WAC: variants seen among roughly 807,000 people sequenced by gnomAD.
WAC encodes the protein WW domain-containing adapter protein with coiled-coil.
In WAC, 11 loss-of-function variants were observed where a neutral mutation model predicts 79.6. The ratio of observed to expected loss-of-function variants is 0.14; its 90% CI spans 0.09 to 0.23. The LOEUF is 0.23. WAC is among the 10% of genes least tolerant of loss of function. The pLI, the probability that WAC is intolerant of heterozygous loss-of-function variation, is 1.00. For missense variants in WAC, 728 were observed against 773.5 expected (o/e 0.94, Z 0.70); for synonymous variants, 304 against 276.9 (o/e 1.10, Z -0.97).
intron 3 of WAC, among the ~76,000 whole-genome samples, chr10:28,565,725 C>G (rs892805152): frequency 2.6e-5 from 4 of 152,112 alleles, no homozygotes; most frequent in African/African-American, 9.7e-5. Context: ...TTTAAATGTA[C>G]CAAATTAGCT....
intron 3 of WAC, among the ~76,000 whole-genome samples, chr10:28,572,548 A>T (rs12247135): frequency 0.023 from 3,458 of 152,196 alleles, 143 homozygotes; most frequent in African/African-American, 0.078. Context: ...GTGGTGGCTC[A>T]CACCTGTAAT....
intron 7 of WAC, 101 bp downstream of exon 7, chr10:28,596,142 A>C: frequency 7.8e-7 from 1 of 1,283,546 alleles, no homozygotes; most frequent in South Asian, 1.6e-5. Context: ...TGAATTATAA[A>C]TTTTTAAAAA....
intron 3 of WAC, among the ~76,000 whole-genome samples, chr10:28,568,617 G>A (rs908503935): frequency 6.6e-6 from 1 of 152,004 alleles, no homozygotes; most frequent in South Asian, 2.1e-4. Context: ...ATATGTATAC[G>A]TGTTCCATCA....
At chr10:28,563,744 CTTTT>C (rs71281550) in intron 3 of WAC, among the ~76,000 whole-genome samples, 7 of 67,936 alleles carry the variant, frequency 1.0e-4, no homozygotes, top group East Asian at 9.6e-4. Flanking sequence ...CTACACCCAG[CTTTT>C]TTTTTTTTTT....
In WAC at chr10:28,562,345, C is replaced by T. The variant is rs559285636; in HGVS notation, c.275-21054C>T. On this transcript the variant is annotated intron_variant, in intron 3 of 13. Coordinates refer to ENST00000354911, the MANE Select transcript of WAC (RefSeq NM_016628.5). ...TGTTGGGATTACAGGCATCAGCCAC[C>T]AGGCCCAGCCAATTTTCTAGTAGAT... Among the ~76,000 whole-genome samples, 6 of 152,308 alleles carry T rather than the reference C, an allele frequency of 3.9e-5. No individual in the cohort carries two copies. The East Asian group carries it at 5.8e-4, about 15-fold the overall frequency.
At chr10:28,566,104 A>C (rs938605902) in intron 3 of WAC, among the ~76,000 whole-genome samples, 1 of 152,180 alleles carries the variant, frequency 6.6e-6, no homozygotes, top group Non-Finnish European at 1.5e-5. Context: ...CTTAAAAAGC[A>C]CTTCAGTTTT....
chr10:28,573,368 A>G (rs1343413833), intron 3 of WAC, among the ~76,000 whole-genome samples: 3 of 152,122 alleles, frequency 2.0e-5, no homozygotes, highest in African/African-American at 2.4e-5. Flanking sequence ...TTTTCTGGAT[A>G]TGTCATATAA....
At chr10:28,615,040 T>C (rs908184348) in intron 11 of WAC, 3 of 176,444 alleles carry the variant, frequency 1.7e-5, no homozygotes, top group African/African-American at 7.2e-5. Flanking sequence ...GGTTTGAGTA[T>C]ATTGATGAAA....
At chr10:28,589,634 T>C in intron 4 of WAC, 102 bp from the exon 5 acceptor site, 1 of 680,020 alleles carries the variant, frequency 1.5e-6, no homozygotes, top group Non-Finnish European at 2.5e-6. Context: ...AGAGTACCTT[T>C]ATCTCATAAG....
intron 6 of WAC, among the ~76,000 whole-genome samples, chr10:28,595,093 C>A (rs949111954): frequency 6.6e-6 from 1 of 152,188 alleles, no homozygotes; most frequent in African/African-American, 2.4e-5. Flanking sequence ...CATTATGCAT[C>A]ATGATTTTAT....
intron 3 of WAC, among the ~76,000 whole-genome samples, chr10:28,536,376 T>TAATA (rs778345839): frequency 2.0e-5 from 3 of 152,220 alleles, no homozygotes; most frequent in Non-Finnish European, 4.4e-5. Context: ...TTTGACCTTT[T>TAATA]AAAGATTTCA....
Position 28,615,368 on chromosome 10 carries a change from C to T in WAC, c.1556+683C>T, listed in dbSNP as rs1349899195. The T allele has an allele frequency of 6.6e-5, 10 of 152,188 alleles. No individual in the cohort carries two copies. The East Asian group carries it at 1.7e-3, about 26-fold the overall frequency. 9.4% of individuals were successfully genotyped at this position (152,188 alleles called of 1,614,324 possible). A position where few individuals can be genotyped will look rare whatever the true frequency, so the allele number is the denominator to read the frequency against. ...ACCTCCAAATGAGAGTTGTTCCCTTCAAAATAATGACCTTGGGAAGCTGTC... is the reference window on the plus strand; with the variant it reads ...ACCTCCAAATGAGAGTTGTTCCCTTTAAAATAATGACCTTGGGAAGCTGTC... On this transcript the variant is annotated intron_variant, in intron 11 of 13. Transcript: ENST00000354911.
intron 7 of WAC, among the ~76,000 whole-genome samples, chr10:28,598,653 C>T (rs899046326): frequency 2.0e-5 from 3 of 152,170 alleles, no homozygotes; most frequent in African/African-American, 7.2e-5. Context: ...AAACATTACC[C>T]CAATTCAAAC....
chr10:28,597,303 AAT>A (rs1288765692), intron 7 of WAC, among the ~76,000 whole-genome samples: 1 of 152,216 alleles, frequency 6.6e-6, no homozygotes, highest in Non-Finnish European at 1.5e-5. Flanking sequence ...TGCTATAGTT[AAT>A]ATATTTTCCA....
chr10:28,566,272 T>C (rs1397364043), intron 3 of WAC, among the ~76,000 whole-genome samples: 2 of 152,188 alleles, frequency 1.3e-5, no homozygotes, highest in African/African-American at 4.8e-5. Context: ...CGTGTGTGTG[T>C]GCATATGCTG....
chr10:28,614,579 G>A lies in WAC; in HGVS notation c.1450G>A (p.Val484Ile). 1 of 1,614,064 alleles carries A rather than the reference G, an allele frequency of 6.2e-7. No homozygotes were observed. ...TTTGACATTTCAGGTTAGTACTCCA[G>A]TAGTTAAGCAAGGACCAGTGTCACA... ...VSSQPKVSTP[V>I]VKQGPVSQSA... The change falls in exon 11 of 14, where the codon GTA becomes ATA. Residue 484 changes from valine (V) to isoleucine (I), a missense_variant. Physicochemically the swap from Val to Ile is conservative, Grantham distance 29. This residue lies in a region of WAC where 648 missense variants were observed against 661.5 expected (regional missense o/e 0.98). Transcript: ENST00000354911.
chr10:28,541,421 T>TTTTG, intron 3 of WAC, among the ~76,000 whole-genome samples: 1 of 29,038 alleles, frequency 3.4e-5, no homozygotes, highest in Non-Finnish European at 6.1e-5. Context: ...GTGTGTTTTG[T>TTTTG]TTTTTTTTTT....
At chr10:28,591,172 T>C (rs540884562) in intron 6 of WAC, 93 of 234,416 alleles carry the variant, frequency 4.0e-4, no homozygotes, top group Middle Eastern at 1.6e-3. Flanking sequence ...TTGTGTCCTA[T>C]TAAACTGGAC....
At chr10:28,571,112 C>T (rs1423511700) in intron 3 of WAC, among the ~76,000 whole-genome samples, 1 of 151,644 alleles carries the variant, frequency 6.6e-6, no homozygotes, top group Non-Finnish European at 1.5e-5. Context: ...CGCTCGCCAC[C>T]ACACCTGGGG....
Sources: gnomAD v4.1 joint callset for allele counts (sites outside exome capture counted in the v4.1 genomes callset) on GRCh38, gnomAD v4.1.1 for gene constraint, gnomAD v4.1.1 regional missense constraint, MANE v1.5 for transcripts, NCBI Gene and HGNC (gene_info 2026-07-23, HGNC 2026-07-21) for gene names.